Variants in SYT14 observed in about 807,000 individuals in gnomAD.
The protein encoded by SYT14 is synaptotagmin 14, also known as synaptotagmin-14.
A neutral mutation model predicts 74.2 loss-of-function variants in SYT14; 32 were observed. The ratio of observed to expected loss-of-function variants is 0.43; its 90% CI spans 0.33 to 0.58. SYT14 has a LOEUF of 0.58. SYT14 is among the 20% of genes least tolerant of loss of function. SYT14 has a pLI of 0.05. For synonymous variants in SYT14, 298 were observed against 337.7 expected, an observed-to-expected ratio of 0.88 and a Z score of 1.29; for missense variants, 791 against 981.8, an observed-to-expected ratio of 0.81 and a Z score of 2.60.
intron 7 of SYT14, among the ~76,000 whole-genome samples, chr1:210,149,319 G>A (rs1188918845): frequency 1.3e-5 from 2 of 151,458 alleles, no homozygotes; most frequent in African/African-American, 4.9e-5. Context: ...CGAGTAGCTG[G>A]GATTACAGGC....
intron 5 of SYT14, among the ~76,000 whole-genome samples, chr1:210,025,724 C>A (rs1166994987): frequency 4.6e-5 from 7 of 152,112 alleles, no homozygotes; most frequent in African/African-American, 1.7e-4. Context: ...GTTCCTACTA[C>A]GTGCCTCAGT....
chr1:210,129,692 C>G (rs1279138708), intron 7 of SYT14, among the ~76,000 whole-genome samples: 1 of 152,150 alleles, frequency 6.6e-6, no homozygotes, highest in Non-Finnish European at 1.5e-5. Flanking sequence ...CAGAATTAGG[C>G]AGAATTTTCT....
intron 7 of SYT14, among the ~76,000 whole-genome samples, chr1:210,118,293 A>C (rs2102601778): frequency 6.6e-6 from 1 of 152,324 alleles, no homozygotes; most frequent in African/African-American, 2.4e-5. Flanking sequence ...GACAACATTC[A>C]AATTCTAAAT....
At chr1:209,941,789 G>A (rs11579776) in intron 1 of SYT14, among the ~76,000 whole-genome samples, 122 of 152,288 alleles carry the variant, frequency 8.0e-4, no homozygotes, top group South Asian at 1.7e-3. Flanking sequence ...GAATACAGTT[G>A]TCCCTTGGTA....
chr1:210,149,276 G>A (rs2083111239), intron 7 of SYT14, among the ~76,000 whole-genome samples: 1 of 144,606 alleles, frequency 6.9e-6, no homozygotes, highest in Non-Finnish European at 1.5e-5. Flanking sequence ...CCTCCACCTC[G>A]CAGGTTCAAG....
chr1:210,158,656 A>G (rs1290543254), intron 8 of SYT14, among the ~76,000 whole-genome samples: 1 of 152,224 alleles, frequency 6.6e-6, no homozygotes, highest in Non-Finnish European at 1.5e-5. Flanking sequence ...TCGATGTTTC[A>G]GGTTACAGAA....
chr1:210,065,062 G>GTCTA, intron 5 of SYT14, among the ~76,000 whole-genome samples: 1 of 152,160 alleles, frequency 6.6e-6, no homozygotes, highest in Middle Eastern at 3.4e-3. Flanking sequence ...CTAGCCACTT[G>GTCTA]TCTATCTTCT....
chr1:210,158,062 G>T (rs1170694867), intron 8 of SYT14, among the ~76,000 whole-genome samples: 3 of 152,148 alleles, frequency 2.0e-5, no homozygotes, highest in Non-Finnish European at 4.4e-5. Flanking sequence ...GTCTCTCACA[G>T]GGCAAGTGTG....
Position 210,021,248 on chromosome 1 carries a change from G to A in SYT14, c.1306G>A (p.Asp436Asn), listed in dbSNP as rs1240295603. 2.5e-6 allele frequency: 4 copies of A among 1,613,664 alleles called. No individual in the cohort carries two copies. Among genetic ancestry groups the A allele is most frequent in the Non-Finnish European group, 3.4e-6 (4 of 1,179,612 alleles). ...TGGATACAGTAGTGAAGCATCAATA[G>A]ATGAAGGTAAGATGGGCTGTTTTAT... The change falls in exon 5 of 10, where the codon GAT (aspartate) becomes AAT (asparagine). Residue 436 changes from aspartate to asparagine, a missense_variant. Asp to Asn is a conservative substitution (Grantham distance 23, BLOSUM62 1). Coordinates refer to ENST00000637265, the Ensembl canonical transcript of SYT14.
intron 5 of SYT14, among the ~76,000 whole-genome samples, chr1:210,047,675 G>A (rs751602356): frequency 6.6e-6 from 1 of 152,122 alleles, no homozygotes; most frequent in Non-Finnish European, 1.5e-5. Context: ...GGGATTACAG[G>A]CGTGAGCCAC....
At chr1:210,013,087 CTTT>C (rs550149038) in intron 2 of SYT14, among the ~76,000 whole-genome samples, 1 of 139,668 alleles carries the variant, frequency 7.2e-6, no homozygotes, top group Non-Finnish European at 1.6e-5. Context: ...AGACTCCTGT[CTTT>C]TTTTTTTTTT....
At chr1:210,069,697 T>G (rs2081358873) in intron 5 of SYT14, among the ~76,000 whole-genome samples, 1 of 152,088 alleles carries the variant, frequency 6.6e-6, no homozygotes, top group Non-Finnish European at 1.5e-5. Flanking sequence ...TGTAAACATT[T>G]ACTTCCTATG....
intron 5 of SYT14, among the ~76,000 whole-genome samples, chr1:210,030,916 T>TGTTTTGTTTA (rs1243563915): frequency 0.025 from 1,688 of 67,132 alleles, 42 homozygotes; most frequent in African/African-American, 0.063. Context: ...TTGTTTGTTT[T>TGTTTTGTTTA]GTTTTGTTTT....
chr1:210,083,775 C>CCCAGGCTT (rs1375000529), intron 5 of SYT14, among the ~76,000 whole-genome samples: 1 of 150,962 alleles, frequency 6.6e-6, no homozygotes, highest in African/African-American at 2.4e-5. Flanking sequence ...CGCCACATTG[C>CCCAGGCTT]CCAGGCTTAG....
At chr1:210,030,311 G>T (rs1252079137) in intron 5 of SYT14, among the ~76,000 whole-genome samples, 1 of 151,626 alleles carries the variant, frequency 6.6e-6, no homozygotes, top group African/African-American at 2.4e-5. Context: ...CCATGCCCAT[G>T]CCCAGCTAAT....
intron 5 of SYT14, among the ~76,000 whole-genome samples, chr1:210,033,008 G>T (rs846553): frequency 6.6e-6 from 1 of 151,322 alleles, no homozygotes; most frequent in Non-Finnish European, 1.5e-5. Flanking sequence ...AGTTACTGCT[G>T]TCGTACAAAC....
At chr1:209,961,277 T>A (rs1416458124) in intron 2 of SYT14, among the ~76,000 whole-genome samples, 1 of 152,138 alleles carries the variant, frequency 6.6e-6, no homozygotes, top group Non-Finnish European at 1.5e-5. Context: ...AGAACTATAT[T>A]CTGACTTTTT....
At position 209,965,825 on chromosome 1, in the gene SYT14, C is replaced by A. The variant is rs142413960; in HGVS notation, c.-486+13069C>A. 4 of 422,846 alleles carry A rather than the reference C, an allele frequency of 9.5e-6. No homozygotes were observed. The Admixed American group carries it at 1.1e-4, about 12-fold the overall frequency. The allele number at this position is 422,846 out of a possible 1,614,324, so 26.2% of individuals were successfully genotyped here. On this transcript the variant is annotated intron_variant, in intron 2 of 9. Transcript: ENST00000637265. ...TATCCTTTCTGTGAAATGCCTTTAT[C>A]CTTTTGTATCAAATCAATAGATTAT... is the stretch of plus-strand genomic sequence containing the variant.
At chr1:210,103,563 AAAAAAG>A (rs1226554619) in intron 7 of SYT14, among the ~76,000 whole-genome samples, 11 of 151,592 alleles carry the variant, frequency 7.3e-5, no homozygotes, top group Non-Finnish European at 1.0e-4. Context: ...AAAAAAAAAA[AAAAAAG>A]AGTTTAACAT....
Sources: gnomAD v4.1 joint callset for allele counts (sites outside exome capture counted in the v4.1 genomes callset) on GRCh38, gnomAD v4.1.1 for gene constraint, MANE v1.5 for transcripts, NCBI Gene and HGNC (gene_info 2026-07-23, HGNC 2026-07-21) for gene names.